The following PHF11 variants were observed in gnomAD, a reference collection of about 807,000 sequenced individuals.
PHF11 encodes PHD finger protein 11.
In PHF11, 38 loss-of-function variants were observed where a neutral mutation model predicts 40.5. The observed-to-expected ratio is 0.94, with a 90% CI of 0.72 to 1.23. PHF11 has a LOEUF of 1.23. Ranked by LOEUF, PHF11 falls within the 50% of genes most tolerant of loss-of-function variation. The probability of loss-of-function intolerance (pLI) is 0.00; values close to 1 mark genes in which losing one functional copy is unlikely to be tolerated. For synonymous variants in PHF11, 127 were observed against 138.2 expected (o/e 0.92, Z 0.57); for missense variants, 369 against 392.4 (o/e 0.94, Z 0.50).
intron 2 of PHF11, among the ~76,000 whole-genome samples, chr13:49,508,289 A>C (rs1959036085): frequency 6.8e-6 from 1 of 147,150 alleles, no homozygotes; most frequent in South Asian, 2.1e-4. Flanking sequence ...ATTATATATT[A>C]TATAAATATA....
chr13:49,513,549 G>A (rs1385350315), intron 3 of PHF11, among the ~76,000 whole-genome samples: 1 of 151,792 alleles, frequency 6.6e-6, no homozygotes, highest in Non-Finnish European at 1.5e-5. Flanking sequence ...CAGGCTGGTC[G>A]CGAACTCCTG....
chr13:49,496,220 C>T (rs1028715487), intron 1 of PHF11, 125 bp downstream of exon 1: 4 of 674,408 alleles, frequency 5.9e-6, no homozygotes, highest in Admixed American at 4.5e-5. Flanking sequence ...GGCCGGGGCC[C>T]TAGACGCCGG....
chr13:49,498,957 T>C (rs1444380587), intron 1 of PHF11, among the ~76,000 whole-genome samples: 1 of 152,216 alleles, frequency 6.6e-6, no homozygotes, highest in Non-Finnish European at 1.5e-5. Context: ...GCATGAGGGA[T>C]GCTTAGTAGT....
intron 9 of PHF11, 132 bp from the exon 10 acceptor site, chr13:49,528,379 C>T: frequency 1.6e-6 from 1 of 625,410 alleles, no homozygotes; most frequent in Non-Finnish European, 2.7e-6. Flanking sequence ...GCCCATAAGG[C>T]TCTGGATCCT....
chr13:49,527,958 G>A (rs1959386148), intron 9 of PHF11, among the ~76,000 whole-genome samples: 1 of 152,010 alleles, frequency 6.6e-6, no homozygotes, highest in Admixed American at 6.6e-5. Flanking sequence ...TCGATTTTGA[G>A]GCTTTTAAAA....
At chr13:49,519,666 G>A (rs997607135) in intron 4 of PHF11, among the ~76,000 whole-genome samples, 1 of 115,788 alleles carries the variant, frequency 8.6e-6, no homozygotes, top group Non-Finnish European at 1.7e-5. Flanking sequence ...ACGAGAGCAG[G>A]AGGGGTTACA....
chr13:49,508,204 TTAA>T (rs1311466847), intron 2 of PHF11, among the ~76,000 whole-genome samples: 1 of 147,652 alleles, frequency 6.8e-6, no homozygotes, highest in Non-Finnish European at 1.5e-5. Context: ...TAATATATTA[TTAA>T]TGTGTTATGT....
chr13:49,528,556 TGAAG>T lies in PHF11; in HGVS notation c.892_895del (p.Glu298ArgfsTer8). Reference sequence around the variant, plus strand: ...GCATCTCAACAAAGGTGGCAGCAGTTGAAGGAAGAGATTGAGCTACTTCAGGACT... The same window carrying T: ...GCATCTCAACAAAGGTGGCAGCAGTTGAAGAGATTGAGCTACTTCAGGACT... On this transcript the variant is annotated frameshift_variant, in exon 10 of 10. Coordinates refer to ENST00000378319, the MANE Select transcript of PHF11 (RefSeq NM_001040443.3). LOFTEE classifies it low-confidence loss of function (END_TRUNC). The T allele has an allele frequency of 6.2e-7, 1 of 1,611,970 alleles. No individual in the cohort carries two copies. The highest frequency in any genetic ancestry group is 1.6e-4 in the Middle Eastern group (1 of 6,062).
In PHF11 at chr13:49,513,108, C is replaced by A; in HGVS notation, c.266C>A (p.Pro89His). 6.2e-7 allele frequency: 1 copy of A among 1,603,982 alleles called. No homozygotes were observed. The highest frequency in any genetic ancestry group is 8.5e-7 in the Non-Finnish European group (1 of 1,171,058). Residue 89 changes from proline to histidine, a missense_variant, in exon 3 of 10, where the codon CCT becomes CAT. By Grantham distance (77) the Pro-to-His change is moderately conservative (BLOSUM62 -2). Transcript: ENST00000378319. ...VECEDQDPLN[P>H]DRSFDVESVK... Reference sequence around the variant, plus strand: ...TGTGAGGATCAGGATCCACTTAATCCTGATAGAAGTTTTGATGTGGAATCA... The same window carrying A: ...TGTGAGGATCAGGATCCACTTAATCATGATAGAAGTTTTGATGTGGAATCA...
In PHF11 at chr13:49,506,851, C is replaced by A. The variant is rs141047761; in HGVS notation, c.216+95C>A. On this transcript the variant is annotated intron_variant, in intron 2 of 9. Coordinates refer to ENST00000378319, the MANE Select transcript of PHF11 (RefSeq NM_001040443.3). ...ACAACACTTTGGACACAAAGAATAA[C>A]AAGTTGGCCATGGTTTGAGCTTTTA... 227 of 640,288 alleles carry A rather than the reference C, an allele frequency of 3.5e-4. No individual in the cohort carries two copies. The African/African-American group carries it at 4.1e-3, about 11-fold the overall frequency. 39.7% of individuals were successfully genotyped at this position (640,288 alleles called of 1,614,324 possible). A position where few individuals can be genotyped will look rare whatever the true frequency, so the allele number is the denominator to read the frequency against.
In PHF11 at chr13:49,528,720, C is replaced by T; in HGVS notation, c.*55C>T. 7.6e-7 allele frequency: 1 copy of T among 1,318,498 alleles called. No individual in the cohort carries two copies. Among genetic ancestry groups the T allele is most frequent in the South Asian group, 1.3e-5 (1 of 76,404 alleles). 81.7% of individuals were successfully genotyped at this position (1,318,498 alleles called of 1,614,324 possible). ...GTCAAATTGCAATCAGGCTCAAAAC[C>T]AGAGACCAGGCTGTGAAATCCACAC... is the stretch of plus-strand genomic sequence containing the variant. On this transcript the variant is annotated 3_prime_UTR_variant, in exon 10 of 10. Transcript: ENST00000378319.
Position 49,528,803 on chromosome 13 carries a change from T to C in PHF11, c.*138T>C. The C allele has an allele frequency of 3.3e-6, 2 of 613,798 alleles. No individual in the cohort carries two copies. The highest frequency in any genetic ancestry group is 4.2e-5 in the South Asian group (2 of 47,550). 38.0% of individuals were successfully genotyped at this position (613,798 alleles called of 1,614,324 possible). A position where few individuals can be genotyped will look rare whatever the true frequency, so the allele number is the denominator to read the frequency against. Reference sequence around the variant, plus strand: ...AGCAGCTCTTCCCTGTTCTTACTGGTTGACATTTTGATCACTCTTTGCACA... The same window carrying C: ...AGCAGCTCTTCCCTGTTCTTACTGGCTGACATTTTGATCACTCTTTGCACA... On this transcript the variant is annotated 3_prime_UTR_variant, in exon 10 of 10. Transcript: ENST00000378319.
intron 2 of PHF11, among the ~76,000 whole-genome samples, chr13:49,511,370 A>G (rs1594210144): frequency 8.2e-6 from 1 of 121,490 alleles, no homozygotes; most frequent in Admixed American, 1.0e-4. Flanking sequence ...TTTTTTGCCC[A>G]GGCTGGAGTG....
At chr13:49,501,857 A>C (rs954516702) in intron 1 of PHF11, among the ~76,000 whole-genome samples, 8 of 152,014 alleles carry the variant, frequency 5.3e-5, no homozygotes, top group Non-Finnish European at 2.9e-5. Flanking sequence ...TGCCCGGCTA[A>C]TTTTTGTAAT....
intron 3 of PHF11, among the ~76,000 whole-genome samples, chr13:49,514,071 A>G (rs1032774631): frequency 6.6e-6 from 1 of 152,188 alleles, no homozygotes; most frequent in Non-Finnish European, 1.5e-5. Flanking sequence ...ATGGGTCATA[A>G]GGGGGCTATT....
intron 2 of PHF11, among the ~76,000 whole-genome samples, chr13:49,511,513 G>A (rs757725894): frequency 1.4e-4 from 21 of 151,666 alleles, no homozygotes; most frequent in Non-Finnish European, 2.2e-4. Flanking sequence ...TTTTTAGTAG[G>A]GATGGGGTTT....
chr13:49,508,196 ATATAT>A (rs1269998455), intron 2 of PHF11, among the ~76,000 whole-genome samples: 1 of 147,600 alleles, frequency 6.8e-6, no homozygotes, highest in Non-Finnish European at 1.5e-5. Context: ...GTATGTATTA[ATATAT>A]TATTAATGTG....
chr13:49,503,298 T>C (rs1958934897), intron 1 of PHF11, among the ~76,000 whole-genome samples: 1 of 151,246 alleles, frequency 6.6e-6, no homozygotes, highest in Non-Finnish European at 1.5e-5. Context: ...CCCTTGACAA[T>C]ACTCCTTCCC....
chr13:49,503,216 T>C (rs971688083), intron 1 of PHF11, among the ~76,000 whole-genome samples: 12 of 152,128 alleles, frequency 7.9e-5, no homozygotes, highest in Non-Finnish European at 1.2e-4. Flanking sequence ...CTCTACAGTG[T>C]TCCTCCTAGC....
Sources: gnomAD v4.1 joint callset for allele counts (sites outside exome capture counted in the v4.1 genomes callset) on GRCh38, gnomAD v4.1.1 for gene constraint, MANE v1.5 for transcripts, NCBI Gene and HGNC (gene_info 2026-07-23, HGNC 2026-07-21) for gene names.